XPR1: variants seen among roughly 807,000 people sequenced by gnomAD.
The protein encoded by XPR1 is xenotropic and polytropic retrovirus receptor 1, also known as solute carrier family 53 member 1.
XPR1 carries 28 observed loss-of-function variants against 87.5 expected under a neutral mutation model. The observed-to-expected ratio is 0.32, with a 90% CI of 0.24 to 0.44. The LOEUF (loss-of-function observed/expected upper bound fraction) is 0.44, where lower values mean the gene tolerates loss of function less well. Ranked by LOEUF, XPR1 falls within the 20% of genes least tolerant of loss-of-function variation. The pLI is 1.00. For synonymous variants in XPR1, 300 were observed against 306.1 expected (o/e 0.98, Z 0.21); for missense variants, 559 against 862.3 (o/e 0.65, Z 4.41).
rs546954443 is a variant in XPR1 at position 180,759,160 on chromosome 1, A to G, written c.122-28593A>G. ...ATAGCACTAAATGCCCACAAGAGAA[A>G]GCAGGAAAGATCTAAAATTGACACC... On this transcript the variant is annotated intron_variant, in intron 2 of 14. Coordinates refer to ENST00000367590, the MANE Select transcript of XPR1 (RefSeq NM_004736.4). 1.1e-3 allele frequency among the ~76,000 whole-genome samples: 168 copies of G among 152,358 alleles called. 1 individual carries two copies. The highest frequency in any genetic ancestry group is 2.1e-3 in the Non-Finnish European group (141 of 68,028).
In XPR1 at chr1:180,803,572, T is replaced by C. The variant is rs12078050; in HGVS notation, c.408T>C (p.Ser136=). 12,975 of 1,613,122 alleles carry C rather than the reference T, an allele frequency of 8.0e-3. 912 individuals carry two copies. The African/African-American group carries it at 0.15, about 18-fold the overall frequency. The change falls in exon 4 of 15, where the codon AGT becomes AGC. Residue 136 remains serine, a synonymous_variant. Transcript: ENST00000367590. ...TTAAAGACCTTAAACTGGCCTTCAG[T>C]GAGTTCTACCTCAGTCTAATCCTGC... The part of the protein sequence containing the change: ...RNIKDLKLAF[S]EFYLSLILLQ...
At chr1:180,664,280 C>G (rs191564796) in intron 1 of XPR1, among the ~76,000 whole-genome samples, 1 of 152,302 alleles carries the variant, frequency 6.6e-6, no homozygotes, top group South Asian at 2.1e-4. Flanking sequence ...GAGTCTCACC[C>G]AAGGCCCATG....
rs1205064266 is a variant in XPR1 at position 180,803,475 on chromosome 1, T to C, written c.311T>C (p.Val104Ala). 1.2e-6 allele frequency: 2 copies of C among 1,614,060 alleles called. No individual in the cohort carries two copies. Among genetic ancestry groups the C allele is most frequent in the Admixed American group, 3.3e-5 (2 of 60,018 alleles). Reference protein sequence around the residue: ...SLDAQKESTGVTTLRQRRKPV... With the variant: ...SLDAQKESTGATTLRQRRKPV... ...GATGCACAGAAAGAAAGCACTGGTG[T>C]TACTACGCTGCGACAACGCAGAAAG... The change falls in exon 4 of 15, where the codon GTT (valine) becomes GCT (alanine). Residue 104 changes from valine to alanine, a missense_variant. Coordinates refer to ENST00000367590, the MANE Select transcript of XPR1 (RefSeq NM_004736.4).
rs1164197215 is a variant in XPR1, at chr1:180,701,497, C to T, written c.121+19086C>T. Among the ~76,000 whole-genome samples, 793 of 117,424 alleles carry T rather than the reference C, an allele frequency of 6.8e-3. 1 individual carries two copies. Among genetic ancestry groups the T allele is most frequent in the South Asian group, 8.0e-3 (30 of 3,752 alleles). The allele number at this position is 117,424 out of a possible 152,430, so 77.0% of individuals were successfully genotyped here. A position where few individuals can be genotyped will look rare whatever the true frequency, so the allele number is the denominator to read the frequency against. On this transcript the variant is annotated intron_variant, in intron 2 of 14. Coordinates refer to ENST00000367590, the MANE Select transcript of XPR1 (RefSeq NM_004736.4). ...AATCACGTGGTTTTTGTCTTTGGCT[C>T]TGTTTATATGCTGGATTACATTTAT...
At chr1:180,652,960 C>T (rs955626720) in intron 1 of XPR1, among the ~76,000 whole-genome samples, 1 of 152,214 alleles carries the variant, frequency 6.6e-6, no homozygotes, top group Non-Finnish European at 1.5e-5. Flanking sequence ...CTTCACTGGT[C>T]TGGAGGATCC....
chr1:180,668,484 T>C (rs1430165917), intron 1 of XPR1, among the ~76,000 whole-genome samples: 2 of 152,304 alleles, frequency 1.3e-5, no homozygotes, highest in Non-Finnish European at 1.5e-5. Flanking sequence ...TTCTAGTTCC[T>C]TAAGTTGTCA....
chr1:180,820,784 A>G (rs1650600376), intron 7 of XPR1, among the ~76,000 whole-genome samples: 1 of 152,016 alleles, frequency 6.6e-6, no homozygotes, highest in South Asian at 2.1e-4. Flanking sequence ...GTGGTATCTC[A>G]TTGTGGTTTT....
At chr1:180,794,478 C>T (rs3002120) in intron 3 of XPR1, among the ~76,000 whole-genome samples, 151,626 of 152,320 alleles carry the variant, frequency 1, 75,478 homozygotes, top group Middle Eastern at 1. Context: ...ACTAAATACA[C>T]CTGTTGTGTG....
intron 2 of XPR1, among the ~76,000 whole-genome samples, chr1:180,776,851 T>C (rs909095126): frequency 2.0e-5 from 3 of 152,194 alleles, no homozygotes; most frequent in Non-Finnish European, 2.9e-5. Flanking sequence ...GTCACTGTTA[T>C]AAGTGAAAAG....
intron 2 of XPR1, among the ~76,000 whole-genome samples, chr1:180,778,623 T>C (rs3013637): frequency 1 from 151,510 of 152,204 alleles, 75,419 homozygotes; most frequent in Middle Eastern, 1. Context: ...CTCGTGGTTG[T>C]CCAGCTGTGA....
intron 11 of XPR1, 83 bp from the exon 12 acceptor site, chr1:180,863,625 T>A: frequency 8.1e-7 from 1 of 1,235,846 alleles, no homozygotes; most frequent in Non-Finnish European, 1.1e-6. Flanking sequence ...ATTTTAAGAA[T>A]CTGTTTTAAT....
chr1:180,740,799 C>G (rs916699360), intron 2 of XPR1, among the ~76,000 whole-genome samples: 1 of 152,084 alleles, frequency 6.6e-6, no homozygotes, highest in African/African-American at 2.4e-5. Flanking sequence ...TCTTAGCACT[C>G]GAGGCTGGGA....
At chr1:180,698,464 G>T (rs964335519) in intron 2 of XPR1, among the ~76,000 whole-genome samples, 3 of 152,156 alleles carry the variant, frequency 2.0e-5, no homozygotes, top group African/African-American at 7.2e-5. Flanking sequence ...CTGTAATTTT[G>T]TTCATTATTT....
At chr1:180,667,573 G>A (rs1013596346) in intron 1 of XPR1, among the ~76,000 whole-genome samples, 2 of 152,098 alleles carry the variant, frequency 1.3e-5, no homozygotes, top group African/African-American at 4.8e-5. Context: ...TTTTCTTGTA[G>A]CGTATTTGTC....
intron 2 of XPR1, among the ~76,000 whole-genome samples, chr1:180,691,952 A>G (rs1200437681): frequency 6.6e-6 from 1 of 152,140 alleles, no homozygotes; most frequent in African/African-American, 2.4e-5. Flanking sequence ...ACTGTCAAAT[A>G]TGTGCATTTA....
intron 1 of XPR1, among the ~76,000 whole-genome samples, chr1:180,678,531 C>T (rs1003278002): frequency 6.6e-5 from 10 of 152,100 alleles, no homozygotes; most frequent in Non-Finnish European, 1.5e-4. Context: ...GCTTCAAATT[C>T]TGTATAAGTA....
chr1:180,874,515 C>T (rs1034267624), intron 13 of XPR1, among the ~76,000 whole-genome samples: 4 of 151,952 alleles, frequency 2.6e-5, no homozygotes, highest in Admixed American at 1.3e-4. Flanking sequence ...CATGGTGAAA[C>T]GCTGTCTCTG....
intron 2 of XPR1, among the ~76,000 whole-genome samples, chr1:180,724,904 A>G (rs1484151131): frequency 6.6e-6 from 1 of 152,220 alleles, no homozygotes; most frequent in East Asian, 1.9e-4. Context: ...TATGGAGAAT[A>G]TATTTTTGAT....
chr1:180,657,489 G>T (rs1655575611), intron 1 of XPR1, among the ~76,000 whole-genome samples: 1 of 152,152 alleles, frequency 6.6e-6, no homozygotes, highest in Non-Finnish European at 1.5e-5. Context: ...ATGGGGTCTA[G>T]TTTTGTTCTT....
Sources: allele counts gnomAD v4.1 joint callset (sites outside exome capture counted in the v4.1 genomes callset), GRCh38; gene constraint gnomAD v4.1.1; transcripts MANE v1.5; gene names NCBI Gene and HGNC (gene_info 2026-07-23, HGNC 2026-07-21).